The following KCNN2 variants were observed in gnomAD, a reference collection of about 807,000 sequenced individuals.
KCNN2 encodes the protein small conductance calcium-activated potassium channel protein 2.
Under a neutral mutation model 55.5 loss-of-function variants are expected in KCNN2, and 24 were observed. The observed-to-expected ratio is 0.43, with a 90% CI of 0.31 to 0.61. KCNN2 has a LOEUF of 0.61. Among genes scored for constraint, KCNN2 ranks in the 20% least tolerant of loss-of-function variants. The pLI is 0.08. For missense variants in KCNN2, 754 were observed against 853.6 expected, an observed-to-expected ratio of 0.88 and a Z score of 1.45; for synonymous variants, 431 against 336.1, an observed-to-expected ratio of 1.28 and a Z score of -3.09.
At chr5:114,145,744 G>A (rs1752386240) in intron 1 of KCNN2, among the ~76,000 whole-genome samples, 1 of 152,062 alleles carries the variant, frequency 6.6e-6, no homozygotes, top group African/African-American at 2.4e-5. Flanking sequence ...GGAGGAAAAG[G>A]AATATAGGCC....
intron 1 of KCNN2, among the ~76,000 whole-genome samples, chr5:114,150,395 T>C (rs1173798440): frequency 6.6e-6 from 1 of 152,202 alleles, no homozygotes; most frequent in African/African-American, 2.4e-5. Context: ...AGTAAAACTT[T>C]CTTCACTTCC....
chr5:114,273,603 A>G (rs908548318), intron 2 of KCNN2, among the ~76,000 whole-genome samples: 1 of 152,230 alleles, frequency 6.6e-6, no homozygotes, highest in African/African-American at 2.4e-5. Flanking sequence ...TCTAATGACC[A>G]GTGATGATGA....
intron 2 of KCNN2, among the ~76,000 whole-genome samples, chr5:114,264,152 G>A (rs1755164081): frequency 1.3e-5 from 2 of 152,086 alleles, no homozygotes; most frequent in Non-Finnish European, 2.9e-5. Flanking sequence ...AACATGAACT[G>A]TTTCCAACTC....
chr5:114,144,464 G>A lies in KCNN2; in HGVS notation c.-270-77016G>A, dbSNP rs564485336. Among the ~76,000 whole-genome samples, 13 of 152,122 alleles carry A rather than the reference G, an allele frequency of 8.5e-5. 1 individual carries two copies. The South Asian group carries it at 2.7e-3, about 32-fold the overall frequency. On this transcript the variant is annotated intron_variant, in intron 1 of 10. Transcript: ENST00000512097. ...AGCAGCAATCAAGCCCATCATTACT[G>A]CAATTAATGTAAAAATAAATAGTTT...
intron 1 of KCNN2, among the ~76,000 whole-genome samples, chr5:114,124,770 A>T (rs1207655226): frequency 6.6e-6 from 1 of 152,190 alleles, no homozygotes; most frequent in Non-Finnish European, 1.5e-5. Context: ...TCTTCTATCA[A>T]ATTGCTTCAG....
In KCNN2 at chr5:114,362,488, T is replaced by C; in HGVS notation, c.349T>C (p.Cys117Arg). 2.2e-6 allele frequency: 1 copy of C among 462,460 alleles called. No individual in the cohort carries two copies. The highest frequency in any genetic ancestry group is 3.8e-6 in the Non-Finnish European group (1 of 265,070). The allele number at this position is 462,460 out of a possible 1,614,324, so 28.6% of individuals were successfully genotyped here. The change falls in exon 1 of 8, where the codon TGC (cysteine) becomes CGC (arginine). Residue 117 changes from cysteine (C) to arginine (R), a missense_variant. Cys to Arg is a radical substitution (Grantham distance 180, BLOSUM62 -3). This residue lies in a region of KCNN2 where 381 missense variants were observed against 259.1 expected (regional missense o/e 1.47). Coordinates refer to ENST00000673685, the MANE Select transcript of KCNN2 (RefSeq NM_021614.4). Reference protein sequence around the residue: ...LSGSSCCCCCCSSRRGSQLNV... With the variant: ...LSGSSCCCCCRSSRRGSQLNV... ...GGGCTCGTCCTGCTGCTGCTGCTGC[T>C]GCTCGTCGCGCCGGGGCAGCCAGCT...
chr5:114,345,167 T>A (rs756154778), intron 2 of KCNN2, among the ~76,000 whole-genome samples: 3 of 152,188 alleles, frequency 2.0e-5, no homozygotes, highest in Non-Finnish European at 2.9e-5. Flanking sequence ...CTCTATGGAT[T>A]CATATAGATA....
chr5:114,088,407 C>CCTAA (rs1427975186), intron 1 of KCNN2, among the ~76,000 whole-genome samples: 1 of 151,336 alleles, frequency 6.6e-6, no homozygotes, highest in Non-Finnish European at 1.5e-5. Flanking sequence ...ATTTTTCTGC[C>CCTAA]CTAACTTTTC....
chr5:114,213,404 T>A (rs1407862399), intron 1 of KCNN2, among the ~76,000 whole-genome samples: 1 of 151,956 alleles, frequency 6.6e-6, no homozygotes, highest in Non-Finnish European at 1.5e-5. Context: ...TTCTCTTTTT[T>A]TTTTTCTGTT....
At chr5:114,174,259 C>G (rs567896165) in intron 1 of KCNN2, among the ~76,000 whole-genome samples, 1 of 152,132 alleles carries the variant, frequency 6.6e-6, no homozygotes, top group South Asian at 2.1e-4. Flanking sequence ...ATACATGAAC[C>G]CTGCTGGAGA....
intron 2 of KCNN2, among the ~76,000 whole-genome samples, chr5:114,386,639 T>C (rs1009448541): frequency 3.3e-5 from 5 of 152,192 alleles, no homozygotes; most frequent in Non-Finnish European, 7.3e-5. Context: ...ATTTAAAAAT[T>C]CCCACCATCT....
chr5:114,314,116 G>A (rs1211605441), intron 2 of KCNN2, among the ~76,000 whole-genome samples: 2 of 152,012 alleles, frequency 1.3e-5, no homozygotes, highest in Non-Finnish European at 2.9e-5. Flanking sequence ...TATAGGACAT[G>A]AACAAAATGA....
chr5:114,488,774 A>G (rs1448277077), intron 6 of KCNN2, among the ~76,000 whole-genome samples: 2 of 152,136 alleles, frequency 1.3e-5, no homozygotes, highest in Non-Finnish European at 2.9e-5. Flanking sequence ...CAGTAACCCC[A>G]ACACATTCAT....
intron 2 of KCNN2, among the ~76,000 whole-genome samples, chr5:114,306,808 C>T (rs1414918664): frequency 2.0e-5 from 3 of 150,770 alleles, no homozygotes; most frequent in African/African-American, 7.3e-5. Context: ...TCAAGTGACT[C>T]TTCTGCCTCA....
chr5:114,166,246 A>T (rs1207195741), intron 1 of KCNN2, among the ~76,000 whole-genome samples: 1 of 152,092 alleles, frequency 6.6e-6, no homozygotes, highest in Admixed American at 6.6e-5. Context: ...CATCTGGCAA[A>T]GCCTCATTCC....
chr5:114,092,646 C>G (rs1364935515), intron 1 of KCNN2, among the ~76,000 whole-genome samples: 2 of 152,210 alleles, frequency 1.3e-5, no homozygotes, highest in African/African-American at 2.4e-5. Context: ...GGACATCAGG[C>G]ATTTCCTTAC....
chr5:114,083,811 C>G (rs947097748), intron 1 of KCNN2, among the ~76,000 whole-genome samples: 1 of 152,024 alleles, frequency 6.6e-6, no homozygotes, highest in Non-Finnish European at 1.5e-5. Flanking sequence ...AGTTTCACTG[C>G]CCTAAAAATC....
chr5:114,300,716 A>G (rs1156487698), intron 2 of KCNN2, among the ~76,000 whole-genome samples: 1 of 152,240 alleles, frequency 6.6e-6, no homozygotes, highest in Non-Finnish European at 1.5e-5. Flanking sequence ...AAGCTCTGAC[A>G]GGAGTGTATC....
intron 1 of KCNN2, among the ~76,000 whole-genome samples, chr5:114,100,043 C>A (rs1479279608): frequency 1.2e-4 from 18 of 151,872 alleles, no homozygotes. Context: ...CTCTATAAAT[C>A]TCAATCTTAT....
Sources: allele counts gnomAD v4.1 joint callset (sites outside exome capture counted in the v4.1 genomes callset), GRCh38; gene constraint gnomAD v4.1.1; regional missense constraint gnomAD v4.1.1; transcripts MANE v1.5; gene names NCBI Gene and HGNC (gene_info 2026-07-23, HGNC 2026-07-21).